DCC: variants seen among roughly 807,000 people sequenced by gnomAD.
DCC encodes the protein DCC netrin 1 receptor.
In DCC, 58 loss-of-function variants were observed where a neutral mutation model predicts 172.5. That is an observed-to-expected ratio of 0.34 (90% CI 0.27 to 0.42). The LOEUF (loss-of-function observed/expected upper bound fraction) is 0.42. DCC is among the 10% of genes least tolerant of loss of function. The probability of loss-of-function intolerance (pLI) is 1.00; values close to 1 mark genes in which losing one functional copy is unlikely to be tolerated. For synonymous variants in DCC, 709 were observed against 644.5 expected, an observed-to-expected ratio of 1.10 and a Z score of -1.52; for missense variants, 1,740 against 1,791.0, an observed-to-expected ratio of 0.97 and a Z score of 0.51.
chr18:53,098,694 G>A (rs1401341528), intron 7 of DCC, among the ~76,000 whole-genome samples: 1 of 152,100 alleles, frequency 6.6e-6, no homozygotes, highest in Non-Finnish European at 1.5e-5. Flanking sequence ...CTACTTTAAA[G>A]TTACTTTGCC....
At chr18:52,854,941 C>T (rs886958082) in intron 2 of DCC, among the ~76,000 whole-genome samples, 1 of 152,156 alleles carries the variant, frequency 6.6e-6, no homozygotes, top group Admixed American at 6.5e-5. Flanking sequence ...CCTGAGCTTC[C>T]TAAGTGAAAC....
intron 5 of DCC, among the ~76,000 whole-genome samples, chr18:53,035,594 A>G (rs1402939519): frequency 2.0e-5 from 3 of 152,132 alleles, no homozygotes; most frequent in Non-Finnish European, 4.4e-5. Flanking sequence ...CTCAAATATT[A>G]TGAGCATATT....
intron 3 of DCC, among the ~76,000 whole-genome samples, chr18:52,914,221 TAAA>T (rs58188187): frequency 4.4e-4 from 67 of 151,174 alleles, no homozygotes; most frequent in African/African-American, 1.5e-3. Context: ...AATCTAAAAA[TAAA>T]AAAAAATCAC....
At chr18:53,450,702 T>C (rs1026862420) in intron 23 of DCC, 40 bp downstream of exon 23, 2 of 1,516,982 alleles carry the variant, frequency 1.3e-6, no homozygotes, top group East Asian at 4.5e-5. Context: ...GAAGTCATTG[T>C]CTTTTGGGGT....
chr18:52,926,289 G>A (rs771486600), intron 5 of DCC, among the ~76,000 whole-genome samples: 1 of 151,778 alleles, frequency 6.6e-6, no homozygotes, highest in Non-Finnish European at 1.5e-5. Context: ...TGTCTTCAAA[G>A]GTTATTCAGA....
At chr18:52,990,858 A>G (rs1368127167) in intron 5 of DCC, among the ~76,000 whole-genome samples, 2 of 152,200 alleles carry the variant, frequency 1.3e-5, no homozygotes, top group Admixed American at 1.3e-4. Context: ...AGAAGAAATA[A>G]TAGTAGGTTT....
intron 12 of DCC, among the ~76,000 whole-genome samples, chr18:53,284,600 T>G (rs1038928637): frequency 5.3e-5 from 8 of 152,174 alleles, no homozygotes; most frequent in African/African-American, 1.9e-4. Flanking sequence ...AAGTATGTCT[T>G]TATCAGCAGC....
intron 5 of DCC, among the ~76,000 whole-genome samples, chr18:52,984,857 C>T (rs1051581351): frequency 6.6e-6 from 1 of 152,006 alleles, no homozygotes; most frequent in African/African-American, 2.4e-5. Context: ...CTTTTAGCCA[C>T]CAAAACATAT....
intron 21 of DCC, among the ~76,000 whole-genome samples, chr18:53,423,027 C>G (rs1418687002): frequency 6.6e-6 from 1 of 151,996 alleles, no homozygotes; most frequent in Non-Finnish European, 1.5e-5. Flanking sequence ...TTATCATGTT[C>G]CCAGCAAGCA....
At chr18:52,507,810 A>G (rs2031286391) in intron 1 of DCC, among the ~76,000 whole-genome samples, 1 of 152,132 alleles carries the variant, frequency 6.6e-6, no homozygotes, top group South Asian at 2.1e-4. Flanking sequence ...AAATACAATA[A>G]TAATTTCAGG....
intron 12 of DCC, among the ~76,000 whole-genome samples, chr18:53,260,701 G>A (rs1187808404): frequency 6.6e-6 from 1 of 152,168 alleles, no homozygotes; most frequent in East Asian, 1.9e-4. Flanking sequence ...CCAGCCATGT[G>A]CTGGGAGAAC....
intron 1 of DCC, among the ~76,000 whole-genome samples, chr18:52,424,145 G>A (rs1345692749): frequency 6.6e-6 from 1 of 152,094 alleles, no homozygotes; most frequent in Non-Finnish European, 1.5e-5. Context: ...CATTGCATTG[G>A]ATCTCACTCA....
At chr18:53,389,792 C>T (rs985998807) in intron 16 of DCC, among the ~76,000 whole-genome samples, 1 of 152,138 alleles carries the variant, frequency 6.6e-6, no homozygotes, top group Non-Finnish European at 1.5e-5. Context: ...ATAGTATACC[C>T]ATTTAAGATC....
intron 1 of DCC, among the ~76,000 whole-genome samples, chr18:52,538,580 A>T (rs115970818): frequency 6.6e-6 from 1 of 152,066 alleles, no homozygotes; most frequent in South Asian, 2.1e-4. Context: ...ATCTCCTTCC[A>T]TTCCTCCTTG....
chr18:52,946,881 A>G (rs2040554547), intron 5 of DCC, among the ~76,000 whole-genome samples: 1 of 152,228 alleles, frequency 6.6e-6, no homozygotes, highest in African/African-American at 2.4e-5. Flanking sequence ...CTCGTAATAA[A>G]GATACATATT....
intron 14 of DCC, among the ~76,000 whole-genome samples, chr18:53,325,573 A>G (rs1599026426): frequency 1.3e-5 from 2 of 152,340 alleles, no homozygotes; most frequent in South Asian, 4.1e-4. Context: ...TGTTTTTCAT[A>G]TCAATGCAGT....
At chr18:53,363,928 C>T (rs1216044106) in intron 15 of DCC, among the ~76,000 whole-genome samples, 1 of 151,904 alleles carries the variant, frequency 6.6e-6, no homozygotes, top group Non-Finnish European at 1.5e-5. Context: ...ACCAGAGGTG[C>T]AAAAATCATA....
At chr18:52,878,925 C>T (rs1269456626) in intron 2 of DCC, among the ~76,000 whole-genome samples, 2 of 152,122 alleles carry the variant, frequency 1.3e-5, no homozygotes, top group Admixed American at 6.5e-5. Context: ...TTCTAAAACA[C>T]ACCCGGGCAC....
intron 21 of DCC, among the ~76,000 whole-genome samples, chr18:53,428,415 A>G (rs1451515682): frequency 4.4e-5 from 2 of 45,596 alleles, no homozygotes; most frequent in African/African-American, 1.3e-4. Flanking sequence ...TATTACATAT[A>G]TAATATAATA....
Sources: allele counts gnomAD v4.1 joint callset (sites outside exome capture counted in the v4.1 genomes callset), GRCh38; gene constraint gnomAD v4.1.1; transcripts MANE v1.5; gene names NCBI Gene and HGNC (gene_info 2026-07-23, HGNC 2026-07-21).